Variants in PTPN12 observed in about 807,000 individuals in gnomAD.
PTPN12 encodes the protein protein tyrosine phosphatase non-receptor type 12.
A neutral mutation model predicts 97.6 loss-of-function variants in PTPN12; 29 were observed. The ratio of observed to expected loss-of-function variants is 0.30; its 90% CI spans 0.22 to 0.41. PTPN12 has a LOEUF of 0.41. Among genes scored for constraint, PTPN12 ranks in the 10% least tolerant of loss-of-function variants. The probability of loss-of-function intolerance (pLI) is 1.00; values close to 1 mark genes in which losing one functional copy is unlikely to be tolerated. For missense variants in PTPN12, 819 were observed against 926.0 expected, an observed-to-expected ratio of 0.88 and a Z score of 1.50; for synonymous variants, 327 against 300.4, an observed-to-expected ratio of 1.09 and a Z score of -0.91.
At chr7:77,605,268 C>T (rs1788322496) in intron 8 of PTPN12, among the ~76,000 whole-genome samples, 1 of 152,092 alleles carries the variant, frequency 6.6e-6, no homozygotes, top group South Asian at 2.1e-4. Flanking sequence ...AAATGTTACA[C>T]AACTTTGTGG....
At chr7:77,578,727 A>G (rs552597947) in intron 2 of PTPN12, among the ~76,000 whole-genome samples, 2 of 152,270 alleles carry the variant, frequency 1.3e-5, no homozygotes, top group East Asian at 3.9e-4. Flanking sequence ...TCATTCATGG[A>G]TTAGAAGGGA....
intron 9 of PTPN12, among the ~76,000 whole-genome samples, chr7:77,608,537 C>T (rs1370215079): frequency 6.6e-6 from 1 of 152,178 alleles, no homozygotes; most frequent in Non-Finnish European, 1.5e-5. Flanking sequence ...GTGTTCATTT[C>T]TAGAGAGGCG....
At chr7:77,626,583 T>G in intron 12 of PTPN12, 122 bp from the exon 13 acceptor site, 2 of 1,006,898 alleles carry the variant, frequency 2.0e-6, no homozygotes, top group South Asian at 3.8e-5. Context: ...TCTGAAAAAC[T>G]GCAGTTTTTA....
rs1331230990 is a variant in PTPN12, at chr7:77,625,518, TCTCTCA to T, written c.1026-1171_1026-1166del. Among the ~76,000 whole-genome samples the T allele has an allele frequency of 2.1e-3, 171 of 81,994 alleles. 5 individuals are homozygous for T. The Middle Eastern group carries it at 0.022, about 10-fold the overall frequency. The allele number at this position is 81,994 out of a possible 152,430, so 53.8% of individuals were successfully genotyped here. A position where few individuals can be genotyped will look rare whatever the true frequency, so the allele number is the denominator to read the frequency against. On this transcript the variant is annotated intron_variant, in intron 12 of 17. Transcript: ENST00000248594. ...CTCTCTCTCTCTCTCTCTCTCTCTC[TCTCTCA>T]CTCTCACTCTCACTCGCGCTCTCTC...
At chr7:77,544,149 G>C (rs6465743) in intron 1 of PTPN12, among the ~76,000 whole-genome samples, 99,128 of 152,108 alleles carry the variant, frequency 0.65, 33,601 homozygotes, top group East Asian at 0.9. Context: ...GAGGGTTCCA[G>C]TTCCTCTACA....
intron 1 of PTPN12, among the ~76,000 whole-genome samples, chr7:77,540,725 C>G (rs1304208993): frequency 6.6e-6 from 1 of 151,536 alleles, no homozygotes; most frequent in Non-Finnish European, 1.5e-5. Flanking sequence ...TGCTTTTTCC[C>G]CTGACTGGAA....
chr7:77,607,147 G>T, intron 8 of PTPN12, 88 bp from the exon 9 acceptor site: 1 of 1,052,476 alleles, frequency 9.5e-7, no homozygotes, highest in African/African-American at 1.6e-5. Context: ...ATGATTTTTT[G>T]TTTCTGAATA....
intron 15 of PTPN12, among the ~76,000 whole-genome samples, chr7:77,636,355 A>G (rs114206319): frequency 0.016 from 2,426 of 152,028 alleles, 66 homozygotes; most frequent in African/African-American, 0.055. Context: ...GGCCAAGCAG[A>G]AGGATCACTT....
intron 1 of PTPN12, chr7:77,563,997 C>A: frequency 2.5e-6 from 1 of 400,522 alleles, no homozygotes; most frequent in South Asian, 1.8e-5. Context: ...GCAACCTCAG[C>A]CTCCTGAGTA....
intron 15 of PTPN12, among the ~76,000 whole-genome samples, chr7:77,636,265 CATTCGAGAA>C (rs1789586594): frequency 1.3e-5 from 2 of 151,832 alleles, no homozygotes; most frequent in South Asian, 4.2e-4. Flanking sequence ...ATTTCTTTGA[CATTCGAGAA>C]ATGTTTTGGC....
chr7:77,561,258 G>A (rs1428491739), intron 1 of PTPN12, among the ~76,000 whole-genome samples: 1 of 152,090 alleles, frequency 6.6e-6, no homozygotes, highest in Admixed American at 6.5e-5. Context: ...CATCACAATG[G>A]TTCGAGTGGA....
At chr7:77,562,339 C>T (rs1370879814) in intron 1 of PTPN12, among the ~76,000 whole-genome samples, 2 of 152,164 alleles carry the variant, frequency 1.3e-5, no homozygotes, top group Non-Finnish European at 2.9e-5. Context: ...AGGAGTGAGC[C>T]ACTGCTTCCG....
At chr7:77,554,528 A>G (rs1807615011) in intron 1 of PTPN12, among the ~76,000 whole-genome samples, 2 of 152,234 alleles carry the variant, frequency 1.3e-5, no homozygotes, top group South Asian at 4.1e-4. Flanking sequence ...TAAGAAAAAT[A>G]AAAGTTTTAA....
At chr7:77,573,131 T>C (rs944736618) in intron 2 of PTPN12, among the ~76,000 whole-genome samples, 1 of 131,028 alleles carries the variant, frequency 7.6e-6, no homozygotes, top group Admixed American at 8.3e-5. Flanking sequence ...ACCTAGCACA[T>C]AGTAACCAAT....
intron 11 of PTPN12, among the ~76,000 whole-genome samples, chr7:77,614,106 C>T (rs1788670376): frequency 7.1e-6 from 1 of 140,252 alleles, no homozygotes; most frequent in African/African-American, 2.7e-5. Flanking sequence ...TGGTCTTGAG[C>T]TCCTGGGCTC....
intron 12 of PTPN12, among the ~76,000 whole-genome samples, chr7:77,624,924 C>A (rs1789080421): frequency 6.6e-6 from 1 of 151,812 alleles, no homozygotes; most frequent in African/African-American, 2.4e-5. Flanking sequence ...CACTTGAGGC[C>A]AGGAGTTGGA....
intron 5 of PTPN12, among the ~76,000 whole-genome samples, chr7:77,589,992 A>G (rs368249847): frequency 1.4e-4 from 21 of 152,354 alleles, no homozygotes; most frequent in Admixed American, 4.6e-4. Flanking sequence ...GTTAGGAACT[A>G]TGAAATTATC....
rs754145211 is a variant in PTPN12, at chr7:77,571,155, T to A, written c.177T>A (p.Val59=). Residue 59 remains valine, a synonymous_variant, in exon 2 of 18, where the codon GTT becomes GTA. Coordinates refer to ENST00000248594, the MANE Select transcript of PTPN12 (RefSeq NM_002835.4). ...CCACTGGAGAAAAAGAAGAAAATGT[T>A]AAAAAGAACAGATACAAGGACATAC... The part of the protein sequence containing the change: ...PTATGEKEEN[V]KKNRYKDILP... The A allele has an allele frequency of 8.1e-6, 13 of 1,602,518 alleles. No individual in the cohort carries two copies. The East Asian group carries it at 2.5e-4, about 31-fold the overall frequency.
intron 1 of PTPN12, among the ~76,000 whole-genome samples, chr7:77,556,285 A>G (rs937955883): frequency 1.3e-5 from 2 of 151,876 alleles, no homozygotes; most frequent in Non-Finnish European, 1.5e-5. Flanking sequence ...CTGGTCTCGA[A>G]CTCCTGGGCT....
Sources: allele counts gnomAD v4.1 joint callset (sites outside exome capture counted in the v4.1 genomes callset), GRCh38; gene constraint gnomAD v4.1.1; transcripts MANE v1.5; gene names NCBI Gene and HGNC (gene_info 2026-07-23, HGNC 2026-07-21).